NRG3: variants seen among roughly 807,000 people sequenced by gnomAD.
NRG3 encodes the protein pro-neuregulin-3, membrane-bound isoform.
A neutral mutation model predicts 66.9 loss-of-function variants in NRG3; 31 were observed. The ratio of observed to expected loss-of-function variants is 0.46; its 90% confidence interval spans 0.35 to 0.63. The LOEUF (loss-of-function observed/expected upper bound fraction) is 0.63, where lower values mean the gene tolerates loss of function less well. Among genes scored for constraint, NRG3 ranks in the 20% least tolerant of loss-of-function variants. The pLI, the probability that NRG3 is intolerant of heterozygous loss-of-function variation, is 0.00. For missense variants in NRG3, 910 were observed against 878.9 expected (o/e 1.04, Z -0.45); for synonymous variants, 393 against 359.4 (o/e 1.09, Z -1.06).
At chr10:82,896,378 T>A (rs1843664466) in intron 4 of NRG3, among the ~76,000 whole-genome samples, 1 of 152,196 alleles carries the variant, frequency 6.6e-6, no homozygotes, top group African/African-American at 2.4e-5. Context: ...GCTACTGAAC[T>A]TCTTCTGGAG....
intron 3 of NRG3, among the ~76,000 whole-genome samples, chr10:82,847,254 C>G (rs2063347348): frequency 1.3e-5 from 2 of 152,280 alleles, no homozygotes; most frequent in South Asian, 2.1e-4. Context: ...TCTTATAAAA[C>G]AGCACTGTGT....
chr10:82,846,977 A>C (rs1234811309), intron 3 of NRG3, among the ~76,000 whole-genome samples: 2 of 152,180 alleles, frequency 1.3e-5, no homozygotes, highest in African/African-American at 4.8e-5. Context: ...TGTTTTTCTG[A>C]AGTTGTGGGA....
intron 1 of NRG3, among the ~76,000 whole-genome samples, chr10:82,132,478 T>A (rs1564593315): frequency 0.09 from 8,004 of 89,274 alleles, 1,542 homozygotes; most frequent in African/African-American, 0.25. Flanking sequence ...GATATATATA[T>A]GATATATATA....
At position 82,132,531 on chromosome 10, in the gene NRG3, TATATG is replaced by T. The variant is rs1335638456; in HGVS notation, c.824-226203_824-226199del. On this transcript the variant is annotated intron_variant, in intron 1 of 8. Transcript: ENST00000372141. Reference sequence around the variant, plus strand: ...ATATATATATGATATATATGATATATATATGATATATATATATCTTTGTCTGGTTT... The same window carrying T: ...ATATATATATGATATATATGATATATATATATATATATCTTTGTCTGGTTT... 6.8e-5 allele frequency among the ~76,000 whole-genome samples: 7 copies of T among 102,724 alleles called. 1 individual carries two copies. Among genetic ancestry groups the T allele is most frequent in the East Asian group, 3.0e-4 (1 of 3,370 alleles). 67.4% of individuals were successfully genotyped at this position (102,724 alleles called of 152,430 possible). A position where few individuals can be genotyped will look rare whatever the true frequency, so the allele number is the denominator to read the frequency against.
intron 1 of NRG3, among the ~76,000 whole-genome samples, chr10:81,928,221 C>T (rs1846996943): frequency 6.6e-6 from 1 of 152,162 alleles, no homozygotes. Flanking sequence ...TAATGATGTA[C>T]ATTCTAGAGC....
rs755618648 is a variant in NRG3, at chr10:81,975,700, C to A, written c.823+99537C>A. Among the ~76,000 whole-genome samples, 14 of 152,154 alleles carry A rather than the reference C, an allele frequency of 9.2e-5. 1 individual carries two copies. The highest frequency in any genetic ancestry group is 1.9e-4 in the Non-Finnish European group (13 of 68,020). On this transcript the variant is annotated intron_variant, in intron 1 of 8. Transcript: ENST00000372141. The stretch of plus-strand genomic sequence containing the variant: ...AGAGAGAATCATGGCCTTCCAAAGA[C>A]AACCATGCCCTAATCTCCAGAGCCT...
At chr10:82,151,650 T>C (rs2070753479) in intron 1 of NRG3, among the ~76,000 whole-genome samples, 1 of 152,188 alleles carries the variant, frequency 6.6e-6, no homozygotes, top group Non-Finnish European at 1.5e-5. Flanking sequence ...CTAATAAAGC[T>C]TTATTCTCTC....
At chr10:82,266,100 C>A (rs1348004576) in intron 1 of NRG3, among the ~76,000 whole-genome samples, 2 of 152,086 alleles carry the variant, frequency 1.3e-5, no homozygotes, top group East Asian at 1.9e-4. Context: ...GATGTAGGAG[C>A]TTGAGTCCCA....
intron 6 of NRG3, among the ~76,000 whole-genome samples, chr10:82,967,873 C>G (rs1592122104): frequency 6.6e-6 from 1 of 152,204 alleles, no homozygotes; most frequent in Non-Finnish European, 1.5e-5. Context: ...TATCGGCATT[C>G]TGCCTAAGAC....
At chr10:82,926,093 AC>A (rs1846967603) in intron 4 of NRG3, among the ~76,000 whole-genome samples, 1 of 152,208 alleles carries the variant, frequency 6.6e-6, no homozygotes, top group South Asian at 2.1e-4. Context: ...CATGGATTCA[AC>A]CAACTATGGA....
At chr10:82,814,900 G>A (rs941583800) in intron 3 of NRG3, among the ~76,000 whole-genome samples, 1 of 152,140 alleles carries the variant, frequency 6.6e-6, no homozygotes, top group Admixed American at 6.5e-5. Flanking sequence ...TGCCACCTGA[G>A]ACTGTATCCA....
At chr10:81,941,946 A>T (rs772010122) in intron 1 of NRG3, among the ~76,000 whole-genome samples, 2 of 152,144 alleles carry the variant, frequency 1.3e-5, no homozygotes, top group Admixed American at 6.6e-5. Flanking sequence ...GGACTAAATC[A>T]TGCTGCTTTT....
At chr10:82,578,223 T>C (rs985959833) in intron 2 of NRG3, among the ~76,000 whole-genome samples, 1 of 150,902 alleles carries the variant, frequency 6.6e-6, no homozygotes, top group African/African-American at 2.4e-5. Context: ...GAATAAAAAA[T>C]GTTAAATGCC....
intron 1 of NRG3, among the ~76,000 whole-genome samples, chr10:82,236,962 A>G (rs1029040837): frequency 3.5e-4 from 53 of 152,116 alleles, no homozygotes; most frequent in African/African-American, 1.2e-3. Flanking sequence ...TGGTCCGCCC[A>G]CCTTGGCCTC....
At chr10:82,534,750 G>A (rs1344578043) in intron 2 of NRG3, among the ~76,000 whole-genome samples, 1 of 150,526 alleles carries the variant, frequency 6.6e-6, no homozygotes, top group Non-Finnish European at 1.5e-5. Context: ...AGAACAGAGA[G>A]CCCAGAAATA....
chr10:81,897,284 G>A (rs1843616526), intron 1 of NRG3, among the ~76,000 whole-genome samples: 1 of 152,068 alleles, frequency 6.6e-6, no homozygotes, highest in Admixed American at 6.6e-5. Flanking sequence ...AAAACCACAG[G>A]GACCTAGGTA....
At chr10:82,663,873 T>C (rs1419768564) in intron 2 of NRG3, among the ~76,000 whole-genome samples, 2 of 152,184 alleles carry the variant, frequency 1.3e-5, no homozygotes, top group African/African-American at 4.8e-5. Context: ...GAAAAACCAA[T>C]GGCAAGAGGC....
intron 3 of NRG3, among the ~76,000 whole-genome samples, chr10:82,822,505 G>C (rs555086802): frequency 1.3e-5 from 2 of 152,196 alleles, no homozygotes; most frequent in South Asian, 4.2e-4. Context: ...GGATCTCTGG[G>C]GTCATAACTT....
At chr10:82,508,570 G>A (rs1306507625) in intron 2 of NRG3, among the ~76,000 whole-genome samples, 1 of 152,180 alleles carries the variant, frequency 6.6e-6, no homozygotes, top group African/African-American at 2.4e-5. Context: ...TCATGGAAAA[G>A]ACTACTTTTT....
Sources: gnomAD v4.1 joint callset for allele counts (sites outside exome capture counted in the v4.1 genomes callset) on GRCh38, gnomAD v4.1.1 for gene constraint, MANE v1.5 for transcripts, NCBI Gene and HGNC (gene_info 2026-07-23, HGNC 2026-07-21) for gene names.